Variants in IFFO1 observed in about 807,000 individuals in gnomAD.
IFFO1 encodes intermediate filament family orphan 1, also known as non-homologous end joining factor IFFO1.
Under a neutral mutation model 59.6 loss-of-function variants are expected in IFFO1, and 42 were observed. The ratio of observed to expected loss-of-function variants is 0.70; its 90% CI spans 0.55 to 0.91. The LOEUF (loss-of-function observed/expected upper bound fraction) is 0.91. Ranked by LOEUF, IFFO1 falls within the 40% of genes least tolerant of loss-of-function variation. The probability of loss-of-function intolerance (pLI) is 0.00; values close to 1 mark genes in which losing one functional copy is unlikely to be tolerated. For synonymous variants in IFFO1, 336 were observed against 342.8 expected (o/e 0.98, Z 0.22); for missense variants, 711 against 793.2 (o/e 0.90, Z 1.24).
chr12:6,540,307 C>T lies in IFFO1; in HGVS notation c.*176G>A, dbSNP rs998427685. ...TAGGGCCAAGCCTAGCTCCAGACAC[C>T]CCAGAGCCCTGGAGAAGCCAAGACT... On this transcript the variant is annotated 3_prime_UTR_variant, in exon 10 of 10. Coordinates refer to ENST00000619571, the MANE Select transcript of IFFO1 (RefSeq NM_001193457.2). 9.5e-6 allele frequency: 6 copies of T among 634,132 alleles called. No homozygotes were observed. The highest frequency in any genetic ancestry group is 1.7e-5 in the Non-Finnish European group (6 of 353,858). 39.3% of individuals were successfully genotyped at this position (634,132 alleles called of 1,614,324 possible). A position where few individuals can be genotyped will look rare whatever the true frequency, so the allele number is the denominator to read the frequency against.
intron 8 of IFFO1, among the ~76,000 whole-genome samples, chr12:6,546,316 T>A (rs922364900): frequency 1.3e-5 from 2 of 152,202 alleles, no homozygotes; most frequent in African/African-American, 4.8e-5. Context: ...GAATCTCCCA[T>A]GTGGGCCTGA....
At position 6,549,740 on chromosome 12, in the gene IFFO1, G is replaced by A. The variant is rs1224069536; in HGVS notation, c.1071+16C>T. 6.2e-7 allele frequency: 1 copy of A among 1,605,806 alleles called. No homozygotes were observed. Among genetic ancestry groups the A allele is most frequent in the African/African-American group, 1.3e-5 (1 of 74,824 alleles). On this transcript the variant is annotated intron_variant, in intron 4 of 9. Transcript: ENST00000619571. The surrounding 1 kb of genome is among the most constrained non-coding windows in gnomAD (Gnocchi z 5.0). ...CCCCACCCACCCCTGAGAGCAGAGG[G>A]CAGCTCCGTCCTCACCTGGAACATC...
chr12:6,551,477 T>A (rs1592221430), intron 1 of IFFO1: 2 of 1,291,890 alleles, frequency 1.5e-6, no homozygotes. Context: ...CTGCCTCTTG[T>A]GGTATCATTT....
chr12:6,555,764 G>C lies in IFFO1; in HGVS notation c.266C>G (p.Ala89Gly). ...TLNLRFRCFL[A>G]KVHELERRNR... ...CCGGCGCTCCAGCTCATGCACCTTG[G>C]CCAGGAAGCAGCGGAACCGGAGGTT... is the stretch of plus-strand genomic sequence containing the variant. Residue 89 changes from alanine (A) to glycine (G), a missense_variant, in exon 1 of 10, where the codon GCC (alanine) becomes GGC (glycine). Transcript: ENST00000619571. The surrounding 1 kb of genome is among the most constrained non-coding windows in gnomAD (Gnocchi z 8.6). 6.2e-7 allele frequency: 1 copy of C among 1,613,282 alleles called. No homozygotes were observed. The highest frequency in any genetic ancestry group is 8.5e-7 in the Non-Finnish European group (1 of 1,179,512).
intron 1 of IFFO1, chr12:6,551,500 G>GC (rs1445848463): frequency 2.6e-5 from 33 of 1,288,830 alleles, no homozygotes; most frequent in Non-Finnish European, 3.3e-5. Flanking sequence ...CCCTGTAAAA[G>GC]CATCTGCAGG....
At position 6,549,932 on chromosome 12, in the gene IFFO1, C is replaced by T; in HGVS notation, c.931-36G>A. 6.3e-7 allele frequency: 1 copy of T among 1,596,680 alleles called. No individual in the cohort carries two copies. The highest frequency in any genetic ancestry group is 8.6e-7 in the Non-Finnish European group (1 of 1,169,146). On this transcript the variant is annotated intron_variant, in intron 3 of 9. Transcript: ENST00000619571. The surrounding 1 kb of genome is among the most constrained non-coding windows in gnomAD (Gnocchi z 5.0). ...AGCCCAGGGAACAGTGAGGAGGCGC[C>T]CAGTTCTCCAGACAAGGACGAATTA...
chr12:6,554,530 G>T (rs1947358068), intron 1 of IFFO1, among the ~76,000 whole-genome samples: 1 of 152,158 alleles, frequency 6.6e-6, no homozygotes, highest in Admixed American at 6.5e-5. Flanking sequence ...CCCGCCCCGC[G>T]GCCTCGCGGT....
Position 6,548,110 on chromosome 12 carries a change from G to T in IFFO1, c.1434C>A (p.Phe478Leu). 6.2e-7 allele frequency: 1 copy of T among 1,614,056 alleles called. No individual in the cohort carries two copies. The highest frequency in any genetic ancestry group is 1.3e-5 in the African/African-American group (1 of 75,020). ...CCTGATACTCCTTCTCCCGGGTTTT[G>T]AACAGGGACTCCGTATCTTTAATCA... Reference protein sequence around the residue: ...EKVIKDTESLFKTREKEYQET... With the variant: ...EKVIKDTESLLKTREKEYQET... The change falls in exon 8 of 10, where the codon TTC becomes TTA. Residue 478 changes from phenylalanine (F) to leucine (L), a missense_variant. This residue lies in a region of IFFO1 where 579 missense variants were observed against 650.3 expected (regional missense o/e 0.89). Coordinates refer to ENST00000619571, the MANE Select transcript of IFFO1 (RefSeq NM_001193457.2). This position sits in a 1 kb window ranked among gnomAD's most constrained non-coding sequence, Gnocchi z 6.1.
chr12:6,550,844 T>C (rs1947201714), intron 2 of IFFO1, 54 bp from the exon 3 acceptor site: 7 of 1,604,330 alleles, frequency 4.4e-6, no homozygotes, highest in Non-Finnish European at 4.3e-6. Context: ...GGGAGGAAGA[T>C]AAAGATGCCA....
rs1457116781 is a variant in IFFO1, at chr12:6,546,645, A to T, written c.1479+1420T>A. Among the ~76,000 whole-genome samples the T allele has an allele frequency of 2.1e-5, 3 of 144,402 alleles. No homozygotes were observed. In the Admixed American group the frequency reaches 2.1e-4, roughly 10 times the overall value. 94.7% of individuals were successfully genotyped at this position (144,402 alleles called of 152,430 possible). A position where few individuals can be genotyped will look rare whatever the true frequency, so the allele number is the denominator to read the frequency against. ...ACTACAGGTGCCTGCCACCACGGCC[A>T]GCTAATTTTTTTTTTTTGTATTTTT... is the stretch of plus-strand genomic sequence containing the variant. On this transcript the variant is annotated intron_variant, in intron 8 of 9. Coordinates refer to ENST00000619571, the MANE Select transcript of IFFO1 (RefSeq NM_001193457.2).
chr12:6,554,236 T>A (rs1035188147), intron 1 of IFFO1, among the ~76,000 whole-genome samples: 1 of 152,104 alleles, frequency 6.6e-6, no homozygotes, highest in Non-Finnish European at 1.5e-5. Context: ...CTGGGCTGCA[T>A]AGGTAGTTCC....
rs778652287 is a variant in IFFO1, at chr12:6,555,499, GGAC to G, written c.528_530del (p.Ser178del). 5 of 1,602,714 alleles carry G rather than the reference GGAC, an allele frequency of 3.1e-6. No homozygotes were observed. The highest frequency in any genetic ancestry group is 2.3e-5 in the East Asian group (1 of 44,070). ...AATAGGTGGTGGAGGTGGAGGTGGA[GGAC>G]GACGAGAGGCTGGCCGCGGAGGGCG... is the stretch of plus-strand genomic sequence containing the variant. On this transcript the variant is annotated inframe_deletion, in exon 1 of 10. Coordinates refer to ENST00000619571, the MANE Select transcript of IFFO1 (RefSeq NM_001193457.2). The surrounding 1 kb of genome is among the most constrained non-coding windows in gnomAD (Gnocchi z 8.6).
rs759198093 is a variant in IFFO1 at position 6,555,479 on chromosome 12, G to A, written c.551C>T (p.Thr184Ile). ...CATGAAGCGGGCCGACGAGGAATAG[G>A]TGGTGGAGGTGGAGGTGGAGGACGA... ...LSSSSTSTST[T>I]YSSSARFMPG... is the part of the protein sequence containing the mutation. The change falls in exon 1 of 10, where the codon ACC becomes ATC. Residue 184 changes from threonine to isoleucine, a missense_variant. Around this residue, in one of 3 missense-constraint regions of IFFO1, gnomAD observed 579 missense variants for 650.3 expected, o/e 0.89. Coordinates refer to ENST00000619571, the MANE Select transcript of IFFO1 (RefSeq NM_001193457.2). This position sits in a 1 kb window ranked among gnomAD's most constrained non-coding sequence, Gnocchi z 8.6. 1.2e-5 allele frequency: 19 copies of A among 1,611,170 alleles called. No homozygotes were observed. In the East Asian group the frequency reaches 3.1e-4, roughly 27 times the overall value.
chr12:6,551,236 C>T (rs946817111), intron 1 of IFFO1, among the ~76,000 whole-genome samples: 3 of 152,226 alleles, frequency 2.0e-5, no homozygotes, highest in African/African-American at 4.8e-5. Flanking sequence ...CCGGAACCTC[C>T]GGGCTGTGCA....
At chr12:6,553,997 T>A (rs1027455050) in intron 1 of IFFO1, among the ~76,000 whole-genome samples, 3 of 152,204 alleles carry the variant, frequency 2.0e-5, no homozygotes, top group African/African-American at 7.2e-5. Context: ...TGCATTTACT[T>A]CTAAAATTGC....
intron 8 of IFFO1, among the ~76,000 whole-genome samples, chr12:6,545,775 A>G (rs1297781326): frequency 6.6e-6 from 1 of 151,824 alleles, no homozygotes; most frequent in Non-Finnish European, 1.5e-5. Flanking sequence ...CACACTGTCT[A>G]TACTGCCTGC....
chr12:6,549,909 C>G lies in IFFO1; in HGVS notation c.931-13G>C, dbSNP rs1947160286. On this transcript the variant is annotated splice_polypyrimidine_tract_variant and intron_variant, in intron 3 of 9. Coordinates refer to ENST00000619571, the MANE Select transcript of IFFO1 (RefSeq NM_001193457.2). The surrounding 1 kb of genome is among the most constrained non-coding windows in gnomAD (Gnocchi z 5.0). ...GCTCCGACAGGTTCTGTCCAGGGAG[C>G]CCAGGGAACAGTGAGGAGGCGCCCA... 1.2e-6 allele frequency: 2 copies of G among 1,610,398 alleles called. No homozygotes were observed. Among genetic ancestry groups the G allele is most frequent in the African/African-American group, 2.7e-5 (2 of 74,984 alleles).
chr12:6,545,678 A>C, intron 8 of IFFO1, among the ~76,000 whole-genome samples: 1 of 150,902 alleles, frequency 6.6e-6, no homozygotes, highest in South Asian at 2.1e-4. Flanking sequence ...AGCCTGGGTG[A>C]CACAGCGAGA....
At chr12:6,542,524 C>T (rs549784118) in intron 8 of IFFO1, among the ~76,000 whole-genome samples, 7 of 152,240 alleles carry the variant, frequency 4.6e-5, no homozygotes, top group Non-Finnish European at 8.8e-5. Flanking sequence ...GTGAAGAGAA[C>T]GGGGAGGATA....
Sources: allele counts gnomAD v4.1 joint callset (sites outside exome capture counted in the v4.1 genomes callset), GRCh38; gene constraint gnomAD v4.1.1; regional missense constraint gnomAD v4.1.1; non-coding constraint Gnocchi (gnomAD v3.1); transcripts MANE v1.5; gene names NCBI Gene and HGNC (gene_info 2026-07-23, HGNC 2026-07-21).